The following LRMDA variants were observed in gnomAD, a reference collection of about 807,000 sequenced individuals.
The protein encoded by LRMDA is leucine-rich melanocyte differentiation-associated protein.
LRMDA carries 18 observed loss-of-function variants against 29.8 expected under a neutral mutation model. That is an observed-to-expected ratio of 0.60 (90% CI 0.42 to 0.90). LRMDA has a LOEUF of 0.90. Ranked by LOEUF, LRMDA falls within the 40% of genes least tolerant of loss-of-function variation. The pLI is 0.00. For missense variants in LRMDA, 273 were observed against 273.9 expected, an observed-to-expected ratio of 1.00 and a Z score of 0.02; for synonymous variants, 125 against 109.4, an observed-to-expected ratio of 1.14 and a Z score of -0.89.
At chr10:75,667,808 GA>G (rs1047258913) in intron 2 of LRMDA, among the ~76,000 whole-genome samples, 2 of 152,034 alleles carry the variant, frequency 1.3e-5, no homozygotes, top group African/African-American at 4.8e-5. Flanking sequence ...AATTACAGAT[GA>G]AAAAAACGTA....
At chr10:76,340,210 T>C (rs1209049810) in intron 6 of LRMDA, among the ~76,000 whole-genome samples, 3 of 152,044 alleles carry the variant, frequency 2.0e-5, no homozygotes, top group African/African-American at 7.2e-5. Context: ...AAGGATGATG[T>C]TACTAGTTAT....
intron 6 of LRMDA, among the ~76,000 whole-genome samples, chr10:76,547,715 G>A (rs986883600): frequency 6.6e-6 from 1 of 152,088 alleles, no homozygotes; most frequent in Admixed American, 6.6e-5. Flanking sequence ...CATTGAGAAA[G>A]AAACGTGAGG....
At chr10:75,831,269 G>A (rs765736936) in intron 2 of LRMDA, among the ~76,000 whole-genome samples, 4 of 152,108 alleles carry the variant, frequency 2.6e-5, no homozygotes, top group Non-Finnish European at 4.4e-5. Context: ...GGATGGTCTT[G>A]ATCTCCTGAC....
chr10:75,813,612 G>A (rs1024557450), intron 2 of LRMDA, among the ~76,000 whole-genome samples: 3 of 152,112 alleles, frequency 2.0e-5, no homozygotes, highest in East Asian at 3.9e-4. Context: ...ACAGATACGC[G>A]TTACTCCACA....
intron 6 of LRMDA, among the ~76,000 whole-genome samples, chr10:76,420,109 C>A (rs1842057429): frequency 6.6e-6 from 1 of 151,720 alleles, no homozygotes; most frequent in South Asian, 2.1e-4. Context: ...TTTTTCTATT[C>A]TTTGGAAGAG....
At chr10:75,907,749 C>A (rs897411470) in intron 2 of LRMDA, among the ~76,000 whole-genome samples, 7 of 152,338 alleles carry the variant, frequency 4.6e-5, no homozygotes, top group Admixed American at 2.0e-4. Flanking sequence ...ATTTCCAACA[C>A]CATCGGCTCA....
At chr10:76,150,778 T>G (rs1449539893) in intron 5 of LRMDA, among the ~76,000 whole-genome samples, 1 of 152,210 alleles carries the variant, frequency 6.6e-6, no homozygotes, top group Non-Finnish European at 1.5e-5. Flanking sequence ...TAACGTCTGC[T>G]TTTGTTTTGG....
intron 2 of LRMDA, among the ~76,000 whole-genome samples, chr10:75,824,473 T>C (rs1844216324): frequency 1.3e-5 from 2 of 151,884 alleles, no homozygotes; most frequent in Non-Finnish European, 2.9e-5. Context: ...CTAGAATATT[T>C]ATCATCTGGA....
At position 76,324,482 on chromosome 10, in the gene LRMDA, C is replaced by A. The variant is rs142285984; in HGVS notation, c.598C>A (p.Gln200Lys). 3.1e-6 allele frequency: 5 copies of A among 1,613,900 alleles called. No homozygotes were observed. The highest frequency in any genetic ancestry group is 3.3e-5 in the Admixed American group (2 of 59,988). The stretch of plus-strand genomic sequence containing the variant: ...TGCTTCCAGGGAACTCACCAGTCAC[C>A]AAGGTTGGAACTCAGCTTTTTATTG... ...PSASRELTSHQGVLGKCRYVY... is the reference protein window; with the variant it reads ...PSASRELTSHKGVLGKCRYVY... Residue 200 changes from glutamine to lysine, a missense_variant, in exon 6 of 7, where the codon CAA becomes AAA. Transcript: ENST00000611255.
intron 2 of LRMDA, among the ~76,000 whole-genome samples, chr10:76,027,127 CTGGTGGTTGTCCTTGG>C: frequency 6.6e-6 from 1 of 152,202 alleles, no homozygotes; most frequent in Non-Finnish European, 1.5e-5. Flanking sequence ...CCTTCACCTC[CTGGTGGTTGTCCTTGG>C]ATGGTGTTTC....
intron 2 of LRMDA, among the ~76,000 whole-genome samples, chr10:76,013,060 C>G (rs760216354): frequency 1.3e-5 from 2 of 152,124 alleles, no homozygotes; most frequent in Non-Finnish European, 2.9e-5. Context: ...TGTTGGAAAC[C>G]TTTTAATTAG....
chr10:75,756,781 G>A (rs940192810), intron 2 of LRMDA, among the ~76,000 whole-genome samples: 1 of 152,170 alleles, frequency 6.6e-6, no homozygotes, highest in African/African-American at 2.4e-5. Context: ...TTTGCCCAAG[G>A]TGGCATAGCT....
At chr10:76,288,500 T>A (rs1589412389) in intron 5 of LRMDA, among the ~76,000 whole-genome samples, 1 of 152,060 alleles carries the variant, frequency 6.6e-6, no homozygotes, top group East Asian at 1.9e-4. Flanking sequence ...CCAAAAGCAA[T>A]TGAAACAAAA....
chr10:75,631,417 G>A lies in LRMDA; in HGVS notation c.131+192923G>A, dbSNP rs114639230. ...AACCTCACTGCACCCCCCCCGCCCC[G>A]CCACCCAACATGTTGCCAGGAATAG... On this transcript the variant is annotated intron_variant, in intron 2 of 6. Transcript: ENST00000611255. 5.9e-3 allele frequency among the ~76,000 whole-genome samples: 852 copies of A among 144,538 alleles called. 8 individuals carry two copies. Among genetic ancestry groups the A allele is most frequent in the African/African-American group, 0.023 (812 of 35,410 alleles). The allele number at this position is 144,538 out of a possible 152,430, so 94.8% of individuals were successfully genotyped here. A position where few individuals can be genotyped will look rare whatever the true frequency, so the allele number is the denominator to read the frequency against.
chr10:76,083,458 A>C (rs572312746), intron 5 of LRMDA, among the ~76,000 whole-genome samples: 2 of 152,292 alleles, frequency 1.3e-5, no homozygotes, highest in East Asian at 3.9e-4. Context: ...AGAGTAAGCT[A>C]TGTTTTCAAT....
At chr10:76,246,499 T>C (rs1247486) in intron 5 of LRMDA, among the ~76,000 whole-genome samples, 79,911 of 151,908 alleles carry the variant, frequency 0.53, 21,333 homozygotes, top group South Asian at 0.65. Context: ...GCAGATATTT[T>C]TGGAGCATGT....
intron 6 of LRMDA, among the ~76,000 whole-genome samples, chr10:76,418,456 G>A (rs1186856624): frequency 1.3e-5 from 2 of 151,722 alleles, no homozygotes; most frequent in Non-Finnish European, 2.9e-5. Flanking sequence ...TTTGATGCTA[G>A]TATATAAAGA....
intron 2 of LRMDA, among the ~76,000 whole-genome samples, chr10:75,621,124 A>G (rs1841176793): frequency 6.6e-6 from 1 of 152,090 alleles, no homozygotes; most frequent in African/African-American, 2.4e-5. Flanking sequence ...CACTTAGAAT[A>G]ATAGTCTCCA....
At chr10:75,842,863 A>G (rs1201821709) in intron 2 of LRMDA, among the ~76,000 whole-genome samples, 1 of 152,014 alleles carries the variant, frequency 6.6e-6, no homozygotes, top group Admixed American at 6.6e-5. Flanking sequence ...TTTCTTAAAA[A>G]AAAAAAAAAT....
Sources: gnomAD v4.1 joint callset for allele counts (sites outside exome capture counted in the v4.1 genomes callset) on GRCh38, gnomAD v4.1.1 for gene constraint, MANE v1.5 for transcripts, NCBI Gene and HGNC (gene_info 2026-07-23, HGNC 2026-07-21) for gene names.